HERC4: variants seen among roughly 807,000 people sequenced by gnomAD.
HERC4 encodes HECT and RLD domain containing E3 ubiquitin protein ligase 4, also known as probable E3 ubiquitin-protein ligase HERC4.
In HERC4, 28 loss-of-function variants were observed where a neutral mutation model predicts 124.3. The observed-to-expected ratio is 0.23, with a 90% CI of 0.17 to 0.31. The LOEUF (loss-of-function observed/expected upper bound fraction) is 0.31. HERC4 is among the 10% of genes least tolerant of loss of function. The probability of loss-of-function intolerance (pLI) is 1.00; values close to 1 mark genes in which losing one functional copy is unlikely to be tolerated. For missense variants in HERC4, 713 were observed against 1,229.3 expected (o/e 0.58, Z 6.28); for synonymous variants, 407 against 421.5 (o/e 0.97, Z 0.42).
chr10:67,964,034 C>G (rs1289085202), intron 16 of HERC4, among the ~76,000 whole-genome samples: 2 of 150,836 alleles, frequency 1.3e-5, no homozygotes, highest in Non-Finnish European at 2.9e-5. Flanking sequence ...TTCAAAACTG[C>G]TGAGGTCAAT....
chr10:67,975,728 T>C (rs2035546971), intron 15 of HERC4, among the ~76,000 whole-genome samples: 2 of 152,206 alleles, frequency 1.3e-5, no homozygotes, highest in Admixed American at 6.5e-5. Flanking sequence ...AATAATCCAA[T>C]TTAAAAAGCA....
chr10:68,059,009 G>C (rs552165042), intron 3 of HERC4, among the ~76,000 whole-genome samples: 2 of 151,838 alleles, frequency 1.3e-5, no homozygotes, highest in East Asian at 3.9e-4. Context: ...AGGGTTTTTT[G>C]TGTATCTATA....
intron 7 of HERC4, among the ~76,000 whole-genome samples, 197 bp from the exon 8 acceptor site, chr10:68,025,873 C>T (rs1362752365): frequency 6.6e-6 from 1 of 152,062 alleles, no homozygotes; most frequent in Non-Finnish European, 1.5e-5. Context: ...ATGATGTTTT[C>T]ACCGTTATAA....
At chr10:67,958,852 A>C (rs1401370090) in intron 16 of HERC4, among the ~76,000 whole-genome samples, 2 of 152,192 alleles carry the variant, frequency 1.3e-5, no homozygotes, top group Non-Finnish European at 2.9e-5. Flanking sequence ...AGACTTGAGG[A>C]GGACAGAAAC....
At position 68,027,537 on chromosome 10, in the gene HERC4, T is replaced by A. The variant is rs1202167411; in HGVS notation, c.778-1861A>T. 2.6e-5 allele frequency among the ~76,000 whole-genome samples: 4 copies of A among 152,334 alleles called. No individual in the cohort carries two copies. The East Asian group carries it at 7.7e-4, about 29-fold the overall frequency. Reference sequence around the variant, plus strand: ...CAAAATCAATACTAATTTCTTAATATCAGCTAATAACTAGGCCATGTTTAA... The same window carrying A: ...CAAAATCAATACTAATTTCTTAATAACAGCTAATAACTAGGCCATGTTTAA... On this transcript the variant is annotated intron_variant, in intron 7 of 24. Transcript: ENST00000373700.
intron 15 of HERC4, among the ~76,000 whole-genome samples, chr10:67,973,729 T>C (rs1047112824): frequency 3.3e-5 from 5 of 152,072 alleles, no homozygotes; most frequent in Non-Finnish European, 7.4e-5. Context: ...AACTTCAATA[T>C]TTCAACCCTG....
intron 3 of HERC4, chr10:68,067,291 C>T (rs1194714143): frequency 6.6e-6 from 1 of 152,502 alleles, no homozygotes; most frequent in Non-Finnish European, 1.5e-5. Context: ...TTTTTTCCTA[C>T]CCTTGACACT....
At chr10:68,032,940 A>C in intron 6 of HERC4, 71 bp from the exon 7 acceptor site, 1 of 789,292 alleles carries the variant, frequency 1.3e-6, no homozygotes, top group Non-Finnish European at 2.3e-6. Flanking sequence ...TTTCCTCTAC[A>C]GCTTGCCAAG....
chr10:67,982,712 A>G (rs1280182350), intron 15 of HERC4, among the ~76,000 whole-genome samples: 2 of 152,252 alleles, frequency 1.3e-5, no homozygotes, highest in Non-Finnish European at 2.9e-5. Context: ...ATCATCTGAC[A>G]AGGGATTAAT....
intron 15 of HERC4, among the ~76,000 whole-genome samples, chr10:67,978,374 T>C (rs1327194874): frequency 6.6e-6 from 1 of 152,148 alleles, no homozygotes. Flanking sequence ...AGGTCTGGGG[T>C]GTTCCTCTGC....
intron 8 of HERC4, among the ~76,000 whole-genome samples, chr10:68,022,802 T>C (rs1476398231): frequency 6.6e-6 from 1 of 151,930 alleles, no homozygotes; most frequent in African/African-American, 2.4e-5. Context: ...GATTAGTATC[T>C]AGAATATATA....
In HERC4 at chr10:68,052,584, T is replaced by C. The variant is rs140225738; in HGVS notation, c.227-8021A>G. Among the ~76,000 whole-genome samples, 129 of 152,314 alleles carry C rather than the reference T, an allele frequency of 8.5e-4. 1 individual carries two copies. The highest frequency in any genetic ancestry group is 1.6e-3 in the Non-Finnish European group (109 of 68,020). ...ATACAGGATAGACAAGTCCAGGTTC[T>C]TGTTGCAAAATATTACATAACAAAG... On this transcript the variant is annotated intron_variant, in intron 3 of 24. Coordinates refer to ENST00000373700, the MANE Select transcript of HERC4 (RefSeq NM_015601.4).
intron 15 of HERC4, among the ~76,000 whole-genome samples, chr10:67,977,858 G>A (rs2035688580): frequency 6.6e-6 from 1 of 151,906 alleles, no homozygotes. Flanking sequence ...TCACATGCCT[G>A]TAGTCCCAGC....
chr10:68,039,076 G>A (rs1349916407), intron 4 of HERC4, among the ~76,000 whole-genome samples: 2 of 151,420 alleles, frequency 1.3e-5, no homozygotes, highest in Non-Finnish European at 2.9e-5. Context: ...ACCAAGGTAG[G>A]CGGATCACTT....
At chr10:67,985,163 T>C (rs1189083869) in intron 15 of HERC4, among the ~76,000 whole-genome samples, 1 of 152,210 alleles carries the variant, frequency 6.6e-6, no homozygotes, top group Non-Finnish European at 1.5e-5. Flanking sequence ...AGTGTTCTCA[T>C]AGCACTCTGC....
At chr10:67,971,600 C>T (rs2035237924) in intron 15 of HERC4, among the ~76,000 whole-genome samples, 1 of 152,012 alleles carries the variant, frequency 6.6e-6, no homozygotes, top group Non-Finnish European at 1.5e-5. Flanking sequence ...AATAAACACT[C>T]TCAGCAAATG....
chr10:67,970,846 G>C (rs796103788), intron 15 of HERC4, among the ~76,000 whole-genome samples: 44 of 151,774 alleles, frequency 2.9e-4, no homozygotes, highest in African/African-American at 9.9e-4. Flanking sequence ...CAATGTTTCT[G>C]CTTTAAGAAT....
At chr10:68,042,258 C>T (rs2039807302) in intron 4 of HERC4, among the ~76,000 whole-genome samples, 2 of 152,292 alleles carry the variant, frequency 1.3e-5, no homozygotes, top group African/African-American at 4.8e-5. Context: ...TCACCCACCT[C>T]GGCCTCCCAA....
At chr10:67,939,721 G>GAT (rs111550670) in intron 20 of HERC4, 67 bp from the exon 21 acceptor site, 26,947 of 626,762 alleles carry the variant, frequency 0.043, 1,937 homozygotes, top group African/African-American at 0.28. Flanking sequence ...TTTACTTATG[G>GAT]ATATATATAT....
Sources: allele counts gnomAD v4.1 joint callset (sites outside exome capture counted in the v4.1 genomes callset), GRCh38; gene constraint gnomAD v4.1.1; transcripts MANE v1.5; gene names NCBI Gene and HGNC (gene_info 2026-07-23, HGNC 2026-07-21).